The following ALOX5 variants were observed in gnomAD, a reference collection of about 807,000 sequenced individuals.
ALOX5 encodes arachidonate 5-lipoxygenase.
A neutral mutation model predicts 87.9 loss-of-function variants in ALOX5; 64 were observed. That is an observed-to-expected ratio of 0.73 (90% CI 0.60 to 0.90). The LOEUF (loss-of-function observed/expected upper bound fraction) is 0.90. Ranked by LOEUF, ALOX5 falls within the 40% of genes least tolerant of loss-of-function variation. ALOX5 has a pLI of 0.00. For synonymous variants in ALOX5, 388 were observed against 355.1 expected (o/e 1.09, Z -1.04); for missense variants, 822 against 907.5 (o/e 0.91, Z 1.21).
intron 6 of ALOX5, among the ~76,000 whole-genome samples, chr10:45,426,199 T>C (rs1283039251): frequency 6.6e-6 from 1 of 152,202 alleles, no homozygotes; most frequent in Non-Finnish European, 1.5e-5. Flanking sequence ...TCAGAGATCA[T>C]AGAACTTTAA....
Position 45,395,902 on chromosome 10 carries a change from C to A in ALOX5, c.397C>A (p.Arg133Ser). The change falls in exon 3 of 14, where the codon CGT becomes AGT. Residue 133 changes from arginine (R) to serine (S), a missense_variant. Transcript: ENST00000374391. ...DQIHILKQHR[R>S]KELETRQKQY... Reference sequence around the variant, plus strand: ...AATTCACATTCTCAAGCAACACCGACGTAAAGAACTGGAAACACGGCAAAA... The same window carrying A: ...AATTCACATTCTCAAGCAACACCGAAGTAAAGAACTGGAAACACGGCAAAA... 1.2e-6 allele frequency: 2 copies of A among 1,614,200 alleles called. No homozygotes were observed. The highest frequency in any genetic ancestry group is 1.7e-6 in the Non-Finnish European group (2 of 1,180,038).
intron 9 of ALOX5, 151 bp downstream of exon 9, chr10:45,441,581 C>T: frequency 1.4e-6 from 1 of 707,452 alleles, no homozygotes; most frequent in South Asian, 2.0e-5. Flanking sequence ...CTCCTGATGT[C>T]TCCAGCCCGT....
intron 7 of ALOX5, among the ~76,000 whole-genome samples, chr10:45,436,729 A>G (rs1362796542): frequency 6.6e-6 from 1 of 152,054 alleles, no homozygotes; most frequent in Non-Finnish European, 1.5e-5. Context: ...TGCTTTGGCT[A>G]TTCGGCTATT....
At chr10:45,391,071 C>T in intron 2 of ALOX5, among the ~76,000 whole-genome samples, 1 of 70,258 alleles carries the variant, frequency 1.4e-5, no homozygotes, top group Admixed American at 1.5e-4. Context: ...TCTCCCTCTC[C>T]CCACGGTCTC....
chr10:45,427,225 T>G (rs971931564), intron 6 of ALOX5, among the ~76,000 whole-genome samples: 1 of 152,222 alleles, frequency 6.6e-6, no homozygotes, highest in African/African-American at 2.4e-5. Context: ...GTCTCAAGAT[T>G]GGATTAGCAG....
chr10:45,428,811 G>A (rs1383303849), intron 7 of ALOX5, 47 bp downstream of exon 7: 1 of 1,604,260 alleles, frequency 6.2e-7, no homozygotes, highest in Middle Eastern at 2.1e-4. Context: ...AGTCCTCTGC[G>A]ATCCAGGGCT....
intron 3 of ALOX5, among the ~76,000 whole-genome samples, chr10:45,402,628 A>G (rs924250990): frequency 1.1e-4 from 16 of 152,226 alleles, no homozygotes; most frequent in African/African-American, 3.9e-4. Context: ...TCTCAAGCTA[A>G]AAGGATTTTT....
chr10:45,400,706 T>C (rs1840668617), intron 3 of ALOX5, among the ~76,000 whole-genome samples: 1 of 152,212 alleles, frequency 6.6e-6, no homozygotes, highest in Non-Finnish European at 1.5e-5. Context: ...GACCCCATAT[T>C]GTGTGATTCT....
chr10:45,443,248 A>G, intron 10 of ALOX5, 32 bp downstream of exon 10: 3 of 1,602,144 alleles, frequency 1.9e-6, no homozygotes, highest in African/African-American at 1.3e-5. Flanking sequence ...GTCCTGGGGG[A>G]GGAGCCGGGA....
chr10:45,415,343 C>T (rs970370521), intron 4 of ALOX5, among the ~76,000 whole-genome samples: 1 of 152,084 alleles, frequency 6.6e-6, no homozygotes, highest in Non-Finnish European at 1.5e-5. Flanking sequence ...GGACAAAAAA[C>T]CAAACACCGC....
chr10:45,415,075 C>T lies in ALOX5; in HGVS notation c.554+2762C>T, dbSNP rs577308929. 2.2e-3 allele frequency among the ~76,000 whole-genome samples: 334 copies of T among 152,290 alleles called. 1 individual carries two copies. Among genetic ancestry groups the T allele is most frequent in the African/African-American group, 7.6e-3 (317 of 41,548 alleles). On this transcript the variant is annotated intron_variant, in intron 4 of 13. Coordinates refer to ENST00000374391, the MANE Select transcript of ALOX5 (RefSeq NM_000698.5). ...AGAAATACCATTTGACCCAGCCATC[C>T]CATTATCGGGTATATACCCAAAGGA...
chr10:45,388,468 G>A (rs1192125706), intron 2 of ALOX5, among the ~76,000 whole-genome samples: 1 of 152,232 alleles, frequency 6.6e-6, no homozygotes, highest in Non-Finnish European at 1.5e-5. Flanking sequence ...ACCCCACATG[G>A]CCAGGTACAC....
chr10:45,431,257 A>G (rs1841893616), intron 7 of ALOX5, among the ~76,000 whole-genome samples: 1 of 152,206 alleles, frequency 6.6e-6, no homozygotes, highest in Non-Finnish European at 1.5e-5. Flanking sequence ...CATTAAAATA[A>G]TAAGAATGCT....
rs192256986 is a variant in ALOX5 at position 45,431,552 on chromosome 10, T to G, written c.981+2788T>G. On this transcript the variant is annotated intron_variant, in intron 7 of 13. Transcript: ENST00000374391. ...CATATAAGGAAAAACTATAAAGTTA[T>G]TTATTTATTTATTTATTTATTTATT... Among the ~76,000 whole-genome samples, 30 of 115,594 alleles carry G rather than the reference T, an allele frequency of 2.6e-4. No homozygotes were observed. In the South Asian group the frequency reaches 3.7e-3, roughly 14 times the overall value. 75.8% of individuals were successfully genotyped at this position (115,594 alleles called of 152,430 possible). A position where few individuals can be genotyped will look rare whatever the true frequency, so the allele number is the denominator to read the frequency against.
rs759403458 is a variant in ALOX5 at position 45,445,613 on chromosome 10, G to A, written c.1951G>A (p.Glu651Lys). 1 of 1,614,172 alleles carries A rather than the reference G, an allele frequency of 6.2e-7. No homozygotes were observed. The highest frequency in any genetic ancestry group is 8.5e-7 in the Non-Finnish European group (1 of 1,180,030). The change falls in exon 14 of 14, where the codon GAG (glutamate) becomes AAG (lysine). Residue 651 changes from glutamate to lysine, a missense_variant. Physicochemically the swap from Glu to Lys is moderately conservative, Grantham distance 56 (BLOSUM62 1). Transcript: ENST00000374391. ...NLEAIVSVIA[E>K]RNKKKQLPYY... ...CGAGGCCATTGTCAGCGTGATTGCT[G>A]AGCGCAACAAGAAGAAGCAGCTGCC...
At chr10:45,443,564 C>G (rs1402131131) in intron 11 of ALOX5, 27 bp downstream of exon 11, 1 of 1,602,516 alleles carries the variant, frequency 6.2e-7, no homozygotes, top group Non-Finnish European at 8.5e-7. Flanking sequence ...GTCTCCGGAC[C>G]CGGCTCCCCC....
At chr10:45,445,470 G>T in intron 13 of ALOX5, 38 bp from the exon 14 acceptor site, 2 of 1,595,986 alleles carry the variant, frequency 1.3e-6, no homozygotes, top group Non-Finnish European at 1.7e-6. Flanking sequence ...CACGGGTAGT[G>T]GATTGACCTA....
intron 11 of ALOX5, 70 bp downstream of exon 11, chr10:45,443,607 T>A: frequency 6.3e-7 from 1 of 1,596,764 alleles, no homozygotes; most frequent in South Asian, 1.1e-5. Context: ...CCGCCACCCC[T>A]CCGGGGTGTC....
rs954329851 is a variant in ALOX5 at position 45,433,874 on chromosome 10, G to C, written c.981+5110G>C. 4.6e-5 allele frequency among the ~76,000 whole-genome samples: 7 copies of C among 152,222 alleles called. 1 individual carries two copies. Among genetic ancestry groups the C allele is most frequent in the Non-Finnish European group, 8.8e-5 (6 of 68,040 alleles). ...TTCAGTCCTCAGTTCCGTCTTATCT[G>C]AGGTCTCTGTGCCAGTGGATCGGTT... On this transcript the variant is annotated intron_variant, in intron 7 of 13. Transcript: ENST00000374391.
Sources: gnomAD v4.1 joint callset for allele counts (sites outside exome capture counted in the v4.1 genomes callset) on GRCh38, gnomAD v4.1.1 for gene constraint, MANE v1.5 for transcripts, NCBI Gene and HGNC (gene_info 2026-07-23, HGNC 2026-07-21) for gene names.